The following PRKN variants were observed in gnomAD, a reference collection of about 807,000 sequenced individuals.
PRKN encodes parkin RBR E3 ubiquitin protein ligase.
PRKN carries 56 observed loss-of-function variants against 59.5 expected under a neutral mutation model. The ratio of observed to expected loss-of-function variants is 0.94; its 90% CI spans 0.76 to 1.18. PRKN has a LOEUF of 1.18. Ranked by LOEUF, PRKN falls within the 50% of genes most tolerant of loss-of-function variation. The pLI is 0.00. For synonymous variants in PRKN, 250 were observed against 222.1 expected, an observed-to-expected ratio of 1.13 and a Z score of -1.12; for missense variants, 657 against 596.4, an observed-to-expected ratio of 1.10 and a Z score of -1.06.
At position 162,295,452 on chromosome 6, in the gene PRKN, C is replaced by T. The variant is rs940068504; in HGVS notation, c.172-32687G>A. Among the ~76,000 whole-genome samples the T allele has an allele frequency of 7.2e-5, 11 of 152,164 alleles. No individual in the cohort carries two copies. The East Asian group carries it at 7.7e-4, about 11-fold the overall frequency. On this transcript the variant is annotated intron_variant, in intron 2 of 11. Coordinates refer to ENST00000366898, the MANE Select transcript of PRKN (RefSeq NM_004562.3). ...ACACAGGCCCTGTGGTCTGATACCACGTAAGGCACCCACAGCATCCCTCGC... is the reference window on the plus strand; with the variant it reads ...ACACAGGCCCTGTGGTCTGATACCATGTAAGGCACCCACAGCATCCCTCGC...
At chr6:162,017,985 C>G (rs1349309516) in intron 5 of PRKN, among the ~76,000 whole-genome samples, 1 of 152,106 alleles carries the variant, frequency 6.6e-6, no homozygotes, top group Non-Finnish European at 1.5e-5. Flanking sequence ...CGGGAAAGAT[C>G]TGGAACAGAG....
chr6:162,141,085 G>C (rs944992513), intron 4 of PRKN, among the ~76,000 whole-genome samples: 2 of 151,944 alleles, frequency 1.3e-5, no homozygotes, highest in African/African-American at 4.8e-5. Flanking sequence ...AGCCGAGATC[G>C]CGCCACTGCA....
chr6:161,979,289 T>C (rs1459183711), intron 5 of PRKN, among the ~76,000 whole-genome samples: 2 of 152,208 alleles, frequency 1.3e-5, no homozygotes, highest in Non-Finnish European at 2.9e-5. Context: ...ATTTATTTTT[T>C]TGAGACACGG....
intron 5 of PRKN, among the ~76,000 whole-genome samples, chr6:162,037,317 A>G (rs1783885051): frequency 6.6e-6 from 1 of 152,238 alleles, no homozygotes. Context: ...ATGTGCTCAT[A>G]GAGACCTGTA....
chr6:162,539,010 G>A (rs1309760237), intron 1 of PRKN, among the ~76,000 whole-genome samples: 1 of 152,190 alleles, frequency 6.6e-6, no homozygotes, highest in Non-Finnish European at 1.5e-5. Context: ...CGGCCTGCCA[G>A]GTCAATTACA....
intron 4 of PRKN, among the ~76,000 whole-genome samples, chr6:162,152,691 TTTCCCAATA>T (rs1782322375): frequency 6.6e-6 from 1 of 152,156 alleles, no homozygotes; most frequent in African/African-American, 2.4e-5. Flanking sequence ...ACAAGACCAA[TTTCCCAATA>T]TTGTCAAGGA....
At chr6:162,308,567 T>C (rs1344765531) in intron 2 of PRKN, among the ~76,000 whole-genome samples, 1 of 152,208 alleles carries the variant, frequency 6.6e-6, no homozygotes, top group South Asian at 2.1e-4. Flanking sequence ...CTTTCTGTTT[T>C]GATATTAGTC....
chr6:161,603,720 G>A (rs1049843268), intron 7 of PRKN, among the ~76,000 whole-genome samples: 2 of 152,112 alleles, frequency 1.3e-5, no homozygotes, highest in Non-Finnish European at 2.9e-5. Context: ...GCAGATATAT[G>A]GAACTTCTTC....
At chr6:162,448,669 G>A in intron 1 of PRKN, among the ~76,000 whole-genome samples, 1 of 152,170 alleles carries the variant, frequency 6.6e-6, no homozygotes, top group South Asian at 2.1e-4. Flanking sequence ...AGATTTTGGA[G>A]CATCCCAGGA....
intron 1 of PRKN, among the ~76,000 whole-genome samples, chr6:162,667,590 G>A (rs1470592196): frequency 6.6e-6 from 1 of 151,926 alleles, no homozygotes; most frequent in African/African-American, 2.4e-5. Flanking sequence ...ACTCCATTAT[G>A]GTAAGTATAT....
chr6:161,629,721 C>T (rs909369140), intron 7 of PRKN, among the ~76,000 whole-genome samples: 2 of 152,128 alleles, frequency 1.3e-5, no homozygotes, highest in Admixed American at 1.3e-4. Flanking sequence ...CCCCACCCAC[C>T]TAGCAAATGC....
intron 4 of PRKN, among the ~76,000 whole-genome samples, chr6:162,121,300 C>A (rs1780904169): frequency 6.6e-6 from 1 of 151,912 alleles, no homozygotes; most frequent in Non-Finnish European, 1.5e-5. Flanking sequence ...AAAATAAAGC[C>A]CATGAAAATG....
At chr6:162,046,708 T>A (rs1325182948) in intron 5 of PRKN, among the ~76,000 whole-genome samples, 1 of 152,170 alleles carries the variant, frequency 6.6e-6, no homozygotes, top group African/African-American at 2.4e-5. Flanking sequence ...AGAGCCCTGA[T>A]GAAAAAGAAG....
chr6:162,396,845 T>A (rs536863851), intron 2 of PRKN, among the ~76,000 whole-genome samples: 13 of 152,278 alleles, frequency 8.5e-5, no homozygotes, highest in African/African-American at 2.6e-4. Flanking sequence ...TAAGAACAAC[T>A]TCACTGACTT....
At chr6:162,262,872 G>C in intron 2 of PRKN, 107 bp from the exon 3 acceptor site, 1 of 1,442,960 alleles carries the variant, frequency 6.9e-7, no homozygotes, top group Non-Finnish European at 9.4e-7. Flanking sequence ...AAGCAAAAGT[G>C]ACATGTAACT....
rs62438874 is a variant in PRKN, at chr6:161,530,797, C to T, written c.1083+18057G>A. On this transcript the variant is annotated intron_variant, in intron 9 of 11. Transcript: ENST00000366898. The surrounding 1 kb of genome is among the most constrained non-coding windows in gnomAD (Gnocchi z 5.0). ...CCTCCCAAAGTGCTGGGATTACAGG[C>T]GTGAGCCACCACACCTGGCCCAAGG... Among the ~76,000 whole-genome samples, 26,745 of 151,956 alleles carry T rather than the reference C, an allele frequency of 0.18. 2,606 individuals carry two copies. The highest frequency in any genetic ancestry group is 0.3 in the Middle Eastern group (87 of 294).
At chr6:162,605,845 AGACAAAAAT>A (rs1451721350) in intron 1 of PRKN, among the ~76,000 whole-genome samples, 2 of 152,180 alleles carry the variant, frequency 1.3e-5, no homozygotes, top group Non-Finnish European at 2.9e-5. Flanking sequence ...AAATAAAAGT[AGACAAAAAT>A]TTGCCAATGG....
chr6:161,718,838 GA>G (rs112876509), intron 7 of PRKN, among the ~76,000 whole-genome samples: 3,192 of 152,130 alleles, frequency 0.021, 120 homozygotes, highest in African/African-American at 0.073. Context: ...TTATCCTGCA[GA>G]AAAAAAATTT....
At chr6:161,895,740 C>CCCCCCAGTGAGGCTTCTGAGAT (rs1583311758) in intron 6 of PRKN, among the ~76,000 whole-genome samples, 4 of 151,728 alleles carry the variant, frequency 2.6e-5, no homozygotes, top group South Asian at 2.1e-4. Context: ...TGCCGTTATG[C>CCCCCCAGTGAGGCTTCTGAGAT]TCTTTTTCAC....
Sources: gnomAD v4.1 joint callset for allele counts (sites outside exome capture counted in the v4.1 genomes callset) on GRCh38, gnomAD v4.1.1 for gene constraint, Gnocchi (gnomAD v3.1) non-coding constraint, MANE v1.5 for transcripts, NCBI Gene and HGNC (gene_info 2026-07-23, HGNC 2026-07-21) for gene names.